SHANK2: variants seen among roughly 807,000 people sequenced by gnomAD.
SHANK2 encodes the protein SH3 and multiple ankyrin repeat domains protein 2.
Under a neutral mutation model 133.7 loss-of-function variants are expected in SHANK2, and 43 were observed. The observed-to-expected ratio is 0.32, with a 90% CI of 0.25 to 0.41. SHANK2 has a LOEUF of 0.41. Among genes scored for constraint, SHANK2 ranks in the 10% least tolerant of loss-of-function variants. The probability of loss-of-function intolerance (pLI) is 1.00; values close to 1 mark genes in which losing one functional copy is unlikely to be tolerated. For synonymous variants in SHANK2, 1,017 were observed against 952.8 expected (o/e 1.07, Z -1.24); for missense variants, 1,994 against 2,235.8 (o/e 0.89, Z 2.18).
intron 17 of SHANK2, among the ~76,000 whole-genome samples, chr11:70,541,534 C>T (rs1433667444): frequency 6.6e-6 from 1 of 152,194 alleles, no homozygotes; most frequent in Non-Finnish European, 1.5e-5. Context: ...CTGTGGGCCT[C>T]ACCAGAGACC....
intron 11 of SHANK2, among the ~76,000 whole-genome samples, chr11:70,869,217 C>T (rs782770836): frequency 6.6e-5 from 10 of 152,180 alleles, no homozygotes; most frequent in Non-Finnish European, 4.4e-5. Flanking sequence ...GCCTCCAAAA[C>T]GGTGAGACGA....
intron 14 of SHANK2, among the ~76,000 whole-genome samples, chr11:70,783,959 C>T (rs375931822): frequency 1.3e-5 from 2 of 152,156 alleles, no homozygotes; most frequent in Non-Finnish European, 2.9e-5. Flanking sequence ...ACTGTGTGAG[C>T]CTTGGAGGTG....
intron 6 of SHANK2, among the ~76,000 whole-genome samples, chr11:71,107,503 G>A (rs769132821): frequency 3.3e-5 from 5 of 152,284 alleles, no homozygotes; most frequent in South Asian, 2.1e-4. Flanking sequence ...CAGAACGTTC[G>A]GAAGGTAACT....
intron 6 of SHANK2, among the ~76,000 whole-genome samples, chr11:71,095,779 C>A (rs1377264966): frequency 6.6e-6 from 1 of 152,226 alleles, no homozygotes; most frequent in African/African-American, 2.4e-5. Context: ...ACCCTAGGAA[C>A]CACTCTGCAG....
At chr11:70,710,442 C>A (rs904018461) in intron 14 of SHANK2, among the ~76,000 whole-genome samples, 1 of 152,180 alleles carries the variant, frequency 6.6e-6, no homozygotes, top group Non-Finnish European at 1.5e-5. Context: ...CTGCTGAATG[C>A]GGACTGTGCC....
At chr11:70,712,981 T>C (rs1282272569) in intron 14 of SHANK2, among the ~76,000 whole-genome samples, 1 of 152,380 alleles carries the variant, frequency 6.6e-6, no homozygotes, top group East Asian at 1.9e-4. Context: ...CTTTGCTCGA[T>C]GCTGGGAAGA....
chr11:71,206,475 G>A lies in SHANK2; in HGVS notation c.-13+18222C>T, dbSNP rs573840856. The stretch of plus-strand genomic sequence containing the variant: ...GGAGCGTAAATATTTAGAGAAAGCC[G>A]GGAGCCAGCAGCGCCGCACCCCCGC... On this transcript the variant is annotated intron_variant, in intron 2 of 25. Transcript: ENST00000601538. Among the ~76,000 whole-genome samples, 131 of 152,208 alleles carry A rather than the reference G, an allele frequency of 8.6e-4. 1 individual carries two copies. The highest frequency in any genetic ancestry group is 5.2e-3 in the South Asian group (25 of 4,822).
In SHANK2 at chr11:70,637,886, G is replaced by C. The variant is rs1344727775; in HGVS notation, c.2061+21942C>G. ...CAGTGACGGGGCTGGAGCCCTGTTT[G>C]GGGTCTGCGAGCTGCCCACAGCTCA... is the stretch of plus-strand genomic sequence containing the variant. On this transcript the variant is annotated intron_variant, in intron 17 of 25. Transcript: ENST00000601538. 3.3e-5 allele frequency among the ~76,000 whole-genome samples: 5 copies of C among 152,194 alleles called. No homozygotes were observed. The South Asian group carries it at 8.3e-4, about 25-fold the overall frequency.
At chr11:71,195,407 G>T (rs1840706158) in intron 2 of SHANK2, among the ~76,000 whole-genome samples, 3 of 151,322 alleles carry the variant, frequency 2.0e-5, no homozygotes, top group Non-Finnish European at 4.4e-5. Context: ...AAAAAAAAGT[G>T]CCTAACCAAT....
intron 10 of SHANK2, among the ~76,000 whole-genome samples, chr11:70,935,199 T>A (rs149485983): frequency 6.6e-6 from 1 of 152,290 alleles, no homozygotes; most frequent in African/African-American, 2.4e-5. Flanking sequence ...ATGTGAATCA[T>A]CCCTTTGTCC....
At chr11:71,081,659 G>A (rs1951302745) in intron 8 of SHANK2, among the ~76,000 whole-genome samples, 3 of 152,148 alleles carry the variant, frequency 2.0e-5, no homozygotes, top group Non-Finnish European at 4.4e-5. Flanking sequence ...GTACTCAAGG[G>A]TCCTCATTCC....
At chr11:70,744,508 GA>G (rs2134836532) in intron 14 of SHANK2, among the ~76,000 whole-genome samples, 1 of 152,322 alleles carries the variant, frequency 6.6e-6, no homozygotes, top group African/African-American at 2.4e-5. Context: ...AATGAGCCCA[GA>G]AGGTTGGAAG....
intron 3 of SHANK2, among the ~76,000 whole-genome samples, chr11:71,130,871 T>C (rs1386916587): frequency 3.9e-5 from 6 of 152,184 alleles, no homozygotes; most frequent in Non-Finnish European, 8.8e-5. Context: ...TGCAAACGCA[T>C]GTAAGCAGCG....
Position 71,244,586 on chromosome 11 carries a change from T to G in SHANK2, c.-113+7839A>C, listed in dbSNP as rs142916606. ...AAGTGCACAACGGAAGCTACAAAAC[T>G]TGTGATATTGCAACAAGCTGACTGC... is the stretch of plus-strand genomic sequence containing the variant. On this transcript the variant is annotated intron_variant, in intron 1 of 25. Coordinates refer to ENST00000601538, the MANE Select transcript of SHANK2 (RefSeq NM_012309.5). 1.7e-3 allele frequency among the ~76,000 whole-genome samples: 255 copies of G among 152,276 alleles called. 2 individuals are homozygous for G. Among genetic ancestry groups the G allele is most frequent in the African/African-American group, 5.9e-3 (246 of 41,558 alleles).
At chr11:70,477,923 C>G (rs1404147611) in intron 25 of SHANK2, among the ~76,000 whole-genome samples, 1 of 152,164 alleles carries the variant, frequency 6.6e-6, no homozygotes, top group African/African-American at 2.4e-5. Flanking sequence ...GGTTCCCAGT[C>G]GGAACACACA....
At chr11:71,133,433 G>GAGGA (rs1952369229) in intron 3 of SHANK2, among the ~76,000 whole-genome samples, 1 of 140,976 alleles carries the variant, frequency 7.1e-6, no homozygotes, top group African/African-American at 2.9e-5. Context: ...TGGAGGGAGG[G>GAGGA]AGGGAGGGAC....
intron 25 of SHANK2, among the ~76,000 whole-genome samples, chr11:70,478,685 C>T (rs1011749226): frequency 1.3e-5 from 2 of 152,204 alleles, no homozygotes; most frequent in Non-Finnish European, 2.9e-5. Context: ...GCCAGGCCTC[C>T]GCCTCACCCC....
intron 17 of SHANK2, chr11:70,571,213 T>G (rs2060041401): frequency 6.6e-6 from 1 of 152,292 alleles, no homozygotes; most frequent in Non-Finnish European, 1.5e-5. Context: ...GACTCTCCAT[T>G]GCCCTGCAGA....
chr11:70,610,578 T>G (rs938020743), intron 17 of SHANK2, among the ~76,000 whole-genome samples: 26 of 152,222 alleles, frequency 1.7e-4, no homozygotes, highest in Non-Finnish European at 2.9e-5. Flanking sequence ...ATGATGGTTT[T>G]CCAAGCAGGC....
Sources: gnomAD v4.1 joint callset for allele counts (sites outside exome capture counted in the v4.1 genomes callset) on GRCh38, gnomAD v4.1.1 for gene constraint, MANE v1.5 for transcripts, NCBI Gene and HGNC (gene_info 2026-07-23, HGNC 2026-07-21) for gene names.